Variants in MGME1 observed in about 807,000 individuals in gnomAD.
MGME1 encodes the protein chromosome 20 open reading frame 72.
MGME1 carries 22 observed loss-of-function variants against 33.0 expected under a neutral mutation model. The observed-to-expected ratio is 0.67, with a 90% CI of 0.48 to 0.95. MGME1 has a LOEUF of 0.95. Among genes scored for constraint, MGME1 ranks in the 40% least tolerant of loss-of-function variants. The probability of loss-of-function intolerance (pLI) is 0.00; values close to 1 mark genes in which losing one functional copy is unlikely to be tolerated. For missense variants in MGME1, 383 were observed against 397.8 expected (o/e 0.96, Z 0.32); for synonymous variants, 133 against 144.0 (o/e 0.92, Z 0.55).
At position 17,975,854 on chromosome 20, in the gene MGME1, C is replaced by T; in HGVS notation, c.682C>T (p.His228Tyr). ...GVRALESAVQHETLNYIGLLD... is the reference protein window; with the variant it reads ...GVRALESAVQYETLNYIGLLD... Reference sequence around the variant, plus strand: ...GCGAGCTCTTGAAAGTGCTGTTCAACATGAAACCTTAAACTATATAGGTCT... The same window carrying T: ...GCGAGCTCTTGAAAGTGCTGTTCAATATGAAACCTTAAACTATATAGGTCT... Residue 228 changes from histidine (H) to tyrosine (Y), a missense_variant, in exon 3 of 5, where the codon CAT becomes TAT. Transcript: ENST00000377710. The T allele has an allele frequency of 6.2e-7, 1 of 1,614,148 alleles. No homozygotes were observed. The highest frequency in any genetic ancestry group is 8.5e-7 in the Non-Finnish European group (1 of 1,180,032).
chr20:17,979,113 G>T (rs1467839019), intron 3 of MGME1, among the ~76,000 whole-genome samples: 1 of 151,450 alleles, frequency 6.6e-6, no homozygotes, highest in Non-Finnish European at 1.5e-5. Flanking sequence ...GTTTTGTTCA[G>T]TTGCCCAAGC....
intron 2 of MGME1, 129 bp from the exon 3 acceptor site, chr20:17,975,555 A>G: frequency 5.8e-6 from 1 of 173,598 alleles, no homozygotes. Flanking sequence ...GACTCCATCC[A>G]AAAAAAAAAA....
chr20:17,990,162 T>C lies in MGME1; in HGVS notation c.*53T>C, dbSNP rs2036259220. On this transcript the variant is annotated 3_prime_UTR_variant, in exon 5 of 5. Transcript: ENST00000377710. Reference sequence around the variant, plus strand: ...AGCACCTTCTCACAGTTTGGGAACATATATTGCTGTTTACTCCAGTGTAAA... The same window carrying C: ...AGCACCTTCTCACAGTTTGGGAACACATATTGCTGTTTACTCCAGTGTAAA... 6.6e-7 allele frequency: 1 copy of C among 1,515,964 alleles called. No homozygotes were observed. The highest frequency in any genetic ancestry group is 9.2e-7 in the Non-Finnish European group (1 of 1,091,686). The allele number at this position is 1,515,964 out of a possible 1,614,324, so 93.9% of individuals were successfully genotyped here.
intron 3 of MGME1, among the ~76,000 whole-genome samples, chr20:17,978,827 G>T (rs1331663114): frequency 6.6e-6 from 1 of 151,954 alleles, no homozygotes; most frequent in African/African-American, 2.4e-5. Flanking sequence ...CCAGACTGGA[G>T]TGTGGTGGCC....
At chr20:17,978,333 T>G (rs952916327) in intron 3 of MGME1, among the ~76,000 whole-genome samples, 2 of 151,952 alleles carry the variant, frequency 1.3e-5, no homozygotes, top group Non-Finnish European at 2.9e-5. Context: ...GCCTCCCAAG[T>G]AGCTGGGATT....
chr20:17,989,986 C>T lies in MGME1; in HGVS notation c.912C>T (p.Ala304=). 6.2e-7 allele frequency: 1 copy of T among 1,614,064 alleles called. No homozygotes were observed. The highest frequency in any genetic ancestry group is 8.5e-7 in the Non-Finnish European group (1 of 1,180,010). ...IVVAYKDGSP[A]HPHFMDAELC... is the part of the protein sequence containing the mutation. ...TGGCCTACAAAGATGGATCACCTGC[C>T]CACCCACATTTCATGGATGCAGAGC... The change falls in exon 5 of 5, where the codon GCC becomes GCT. Residue 304 remains alanine, a synonymous_variant. Transcript: ENST00000377710.
intron 3 of MGME1, among the ~76,000 whole-genome samples, chr20:17,987,204 G>A (rs2122616909): frequency 6.6e-6 from 1 of 150,972 alleles, no homozygotes; most frequent in South Asian, 2.1e-4. Flanking sequence ...AACCAGGAAT[G>A]GCATCCTAGA....
At chr20:17,981,648 C>T (rs979336134) in intron 3 of MGME1, among the ~76,000 whole-genome samples, 40 of 139,810 alleles carry the variant, frequency 2.9e-4, no homozygotes, top group Middle Eastern at 3.7e-3. Flanking sequence ...ATCTACTACT[C>T]GTGTGTGTGT....
intron 3 of MGME1, among the ~76,000 whole-genome samples, chr20:17,976,857 C>T (rs2035882785): frequency 6.6e-6 from 1 of 151,972 alleles, no homozygotes; most frequent in Admixed American, 6.6e-5. Context: ...GATGGGGTTT[C>T]TCCATGTTGG....
Position 17,978,365 on chromosome 20 carries a change from C to T in MGME1, c.731+2462C>T, listed in dbSNP as rs151142308. Among the ~76,000 whole-genome samples the T allele has an allele frequency of 6.4e-3, 972 of 152,180 alleles. 9 individuals carry two copies. Among genetic ancestry groups the T allele is most frequent in the African/African-American group, 0.022 (900 of 41,518 alleles). On this transcript the variant is annotated intron_variant, in intron 3 of 4. Transcript: ENST00000377710. ...GATTAGAGGTGCACGCCACCACACC[C>T]GGCTAATTTTTGTGTTATTAGTAGA...
rs1448363438 is a variant in MGME1 at position 17,975,723 on chromosome 20, A to C, written c.551A>C (p.Glu184Ala). The stretch of plus-strand genomic sequence containing the variant: ...GGGAAACGGTTCCACGAAGCCTTGG[A>C]AAGCATACTTTCACCCCAGGAAACC... Reference protein sequence around the residue: ...LQGKRFHEALESILSPQETLK... With the variant: ...LQGKRFHEALASILSPQETLK... Residue 184 changes from glutamate to alanine, a missense_variant, in exon 3 of 5, where the codon GAA becomes GCA. Transcript: ENST00000377710. 4 of 1,614,108 alleles carry C rather than the reference A, an allele frequency of 2.5e-6. No individual in the cohort carries two copies. Among genetic ancestry groups the C allele is most frequent in the Non-Finnish European group, 3.4e-6 (4 of 1,180,026 alleles).
rs536329945 is a variant in MGME1 at position 17,974,887 on chromosome 20, GC to G, written c.512-795del. ...AATTCATAACTTTTCATTTGCGCAT[GC>G]CTTATTTTCCATTCCTTGTTTGTCA... is the stretch of plus-strand genomic sequence containing the variant. On this transcript the variant is annotated intron_variant, in intron 2 of 4. Coordinates refer to ENST00000377710, the MANE Select transcript of MGME1 (RefSeq NM_052865.4). 6.6e-5 allele frequency among the ~76,000 whole-genome samples: 10 copies of G among 152,024 alleles called. No homozygotes were observed. The South Asian group carries it at 1.9e-3, about 28-fold the overall frequency.
intron 2 of MGME1, chr20:17,972,697 T>G: frequency 1.0e-6 from 1 of 985,458 alleles, no homozygotes; most frequent in Non-Finnish European, 1.2e-6. Flanking sequence ...TAAAGGATCC[T>G]GTAATCTAGG....
chr20:17,973,032 A>G (rs1441413067), intron 2 of MGME1, among the ~76,000 whole-genome samples: 3 of 152,092 alleles, frequency 2.0e-5, no homozygotes. Flanking sequence ...AAGGGATTCC[A>G]TTTTTTGCTA....
intron 3 of MGME1, among the ~76,000 whole-genome samples, chr20:17,982,787 CAA>C (rs1213826051): frequency 6.6e-6 from 1 of 152,070 alleles, no homozygotes; most frequent in African/African-American, 2.4e-5. Context: ...TTTTGACTGA[CAA>C]TAATTATATA....
chr20:17,972,436 ATTTTTT>A (rs143594137), intron 2 of MGME1, among the ~76,000 whole-genome samples: 3 of 125,720 alleles, frequency 2.4e-5, no homozygotes, highest in Non-Finnish European at 3.4e-5. Context: ...TTAGGTTTTA[ATTTTTT>A]TTTTTTTTTT....
intron 3 of MGME1, among the ~76,000 whole-genome samples, chr20:17,981,590 C>G (rs2036018517): frequency 6.6e-6 from 1 of 152,230 alleles, no homozygotes; most frequent in East Asian, 1.9e-4. Flanking sequence ...TGATCCTCAC[C>G]TCAGCCTCCC....
At chr20:17,986,364 C>T (rs1478563740) in intron 3 of MGME1, among the ~76,000 whole-genome samples, 4 of 151,232 alleles carry the variant, frequency 2.6e-5, no homozygotes, top group East Asian at 1.9e-4. Context: ...CCACCGTGCC[C>T]GGCAGAATTT....
At chr20:17,977,113 C>T (rs531334038) in intron 3 of MGME1, among the ~76,000 whole-genome samples, 2 of 152,066 alleles carry the variant, frequency 1.3e-5, no homozygotes, top group South Asian at 2.1e-4. Context: ...CAGTGGCTCA[C>T]GCCTGTAATC....
Sources: gnomAD v4.1 joint callset for allele counts (sites outside exome capture counted in the v4.1 genomes callset) on GRCh38, gnomAD v4.1.1 for gene constraint, MANE v1.5 for transcripts, NCBI Gene and HGNC (gene_info 2026-07-23, HGNC 2026-07-21) for gene names.